Variants in GALNT17 observed in about 807,000 individuals in gnomAD.
GALNT17 encodes UDP-GalNAc:polypeptide N-acetylgalactosaminyltransferase-like 3.
Under a neutral mutation model 63.7 loss-of-function variants are expected in GALNT17, and 29 were observed. That is an observed-to-expected ratio of 0.46 (90% confidence interval 0.34 to 0.62). GALNT17 has a LOEUF of 0.62. Ranked by LOEUF, GALNT17 falls within the 20% of genes least tolerant of loss-of-function variation. The pLI is 0.01. For synonymous variants in GALNT17, 305 were observed against 318.3 expected, an observed-to-expected ratio of 0.96 and a Z score of 0.45; for missense variants, 603 against 799.6, an observed-to-expected ratio of 0.75 and a Z score of 2.97.
chr7:71,709,935 AG>A (rs141544136), intron 9 of GALNT17, among the ~76,000 whole-genome samples: 2,155 of 152,252 alleles, frequency 0.014, 54 homozygotes, highest in African/African-American at 0.049. Context: ...TTATTATTTT[AG>A]ATTTTTGTTT....
At chr7:71,569,580 G>A (rs1240172205) in intron 5 of GALNT17, among the ~76,000 whole-genome samples, 1 of 152,176 alleles carries the variant, frequency 6.6e-6, no homozygotes, top group Non-Finnish European at 1.5e-5. Flanking sequence ...GCCAGAAGAT[G>A]CATTGCATTT....
chr7:71,620,696 G>A (rs1022606463), intron 6 of GALNT17, among the ~76,000 whole-genome samples: 5 of 152,126 alleles, frequency 3.3e-5, no homozygotes, highest in Non-Finnish European at 2.9e-5. Flanking sequence ...CAGTGTACGT[G>A]GGATATCTGT....
chr7:71,482,322 G>A (rs1018229766), intron 5 of GALNT17, among the ~76,000 whole-genome samples: 1 of 151,996 alleles, frequency 6.6e-6, no homozygotes, highest in Non-Finnish European at 1.5e-5. Context: ...GTGATTTTTT[G>A]TATTTTTAGT....
At chr7:71,609,532 T>C (rs998091069) in intron 6 of GALNT17, among the ~76,000 whole-genome samples, 2 of 152,224 alleles carry the variant, frequency 1.3e-5, no homozygotes, top group Non-Finnish European at 2.9e-5. Context: ...TTTTTTCATT[T>C]TTATTATTTA....
At chr7:71,211,170 T>C (rs140104632) in intron 1 of GALNT17, among the ~76,000 whole-genome samples, 2,266 of 152,264 alleles carry the variant, frequency 0.015, 83 homozygotes, top group East Asian at 0.096. Context: ...TCAACTTGAA[T>C]TGTAGCTCCC....
chr7:71,579,097 G>A (rs568542785), intron 6 of GALNT17, among the ~76,000 whole-genome samples: 52 of 152,300 alleles, frequency 3.4e-4, no homozygotes, highest in Non-Finnish European at 6.0e-4. Context: ...ATTGGCACTG[G>A]TCAAGGTTGG....
intron 1 of GALNT17, among the ~76,000 whole-genome samples, chr7:71,218,946 A>T (rs1789534437): frequency 6.6e-6 from 1 of 152,126 alleles, no homozygotes; most frequent in South Asian, 2.1e-4. Context: ...GAATAAATGT[A>T]ATGCTCTTGA....
intron 1 of GALNT17, among the ~76,000 whole-genome samples, chr7:71,143,649 T>C (rs1301864768): frequency 6.6e-6 from 1 of 152,026 alleles, no homozygotes; most frequent in East Asian, 1.9e-4. Context: ...TTGCATAGGC[T>C]TGGGGAGCCA....
At chr7:71,217,140 G>GTTTTTTTTTTTTTTTTTTTTT (rs200574411) in intron 1 of GALNT17, among the ~76,000 whole-genome samples, 2 of 95,216 alleles carry the variant, frequency 2.1e-5, no homozygotes, top group Non-Finnish European at 4.2e-5. Context: ...ATTTTTTCGT[G>GTTTTTTTTTTTTTTTTTTTTT]TTTTGTTTTT....
chr7:71,313,607 A>G (rs1791448247), intron 1 of GALNT17, among the ~76,000 whole-genome samples: 1 of 152,268 alleles, frequency 6.6e-6, no homozygotes, highest in Admixed American at 6.5e-5. Flanking sequence ...GTGTCAGGTG[A>G]ATATCCTGTA....
intron 5 of GALNT17, among the ~76,000 whole-genome samples, chr7:71,523,743 A>AT (rs1435068912): frequency 1.9e-4 from 22 of 116,260 alleles, no homozygotes; most frequent in South Asian, 3.5e-4. Flanking sequence ...CCCTGTCTCA[A>AT]AAAATAAATA....
At chr7:71,198,469 C>T (rs1789099565) in intron 1 of GALNT17, among the ~76,000 whole-genome samples, 1 of 152,180 alleles carries the variant, frequency 6.6e-6, no homozygotes, top group Admixed American at 6.6e-5. Flanking sequence ...TAAACATGGT[C>T]CTTCGCTAGA....
intron 5 of GALNT17, among the ~76,000 whole-genome samples, chr7:71,513,543 G>T (rs987078830): frequency 6.6e-6 from 1 of 151,900 alleles, no homozygotes; most frequent in Non-Finnish European, 1.5e-5. Context: ...GCTCCACCAT[G>T]CCTGGCTAAG....
chr7:71,164,202 C>A (rs1046039297), intron 1 of GALNT17, among the ~76,000 whole-genome samples: 1 of 152,084 alleles, frequency 6.6e-6, no homozygotes, highest in Non-Finnish European at 1.5e-5. Flanking sequence ...AAGATACTAC[C>A]CGAGACTGCA....
chr7:71,250,209 C>T (rs753825369), intron 1 of GALNT17, among the ~76,000 whole-genome samples: 27 of 152,012 alleles, frequency 1.8e-4, no homozygotes, highest in Middle Eastern at 3.2e-3. Context: ...AAATTAAGTA[C>T]GTTTATTTTT....
intron 2 of GALNT17, among the ~76,000 whole-genome samples, chr7:71,353,122 A>G (rs1290339388): frequency 1.3e-5 from 2 of 152,080 alleles, no homozygotes; most frequent in Non-Finnish European, 2.9e-5. Context: ...TATTATTATT[A>G]TTGTTCCTTA....
At chr7:71,203,883 G>C (rs548896103) in intron 1 of GALNT17, among the ~76,000 whole-genome samples, 1 of 152,262 alleles carries the variant, frequency 6.6e-6, no homozygotes, top group Non-Finnish European at 1.5e-5. Context: ...TCTTCACTCT[G>C]TTGATTGTTT....
chr7:71,245,079 T>C (rs999229883), intron 1 of GALNT17, among the ~76,000 whole-genome samples: 1 of 152,132 alleles, frequency 6.6e-6, no homozygotes, highest in Admixed American at 6.5e-5. Context: ...TCCAAATGCC[T>C]CTTGGTATCT....
At chr7:71,369,362 G>A (rs186339344) in intron 2 of GALNT17, among the ~76,000 whole-genome samples, 1 of 152,276 alleles carries the variant, frequency 6.6e-6, no homozygotes, top group Non-Finnish European at 1.5e-5. Context: ...GCTACCCTGA[G>A]TTCCTGCCTC....
Sources: allele counts gnomAD v4.1 joint callset (sites outside exome capture counted in the v4.1 genomes callset), GRCh38; gene constraint gnomAD v4.1.1; transcripts MANE v1.5; gene names NCBI Gene and HGNC (gene_info 2026-07-23, HGNC 2026-07-21).